LHFPL3: variants seen among roughly 807,000 people sequenced by gnomAD.
The protein encoded by LHFPL3 is LHFPL tetraspan subfamily member 3.
A neutral mutation model predicts 19.3 loss-of-function variants in LHFPL3; 5 were observed. The observed-to-expected ratio is 0.26, with a 90% CI of 0.14 to 0.54. The LOEUF is 0.54. LHFPL3 is among the 20% of genes least tolerant of loss of function. LHFPL3 has a pLI of 0.94. For synonymous variants in LHFPL3, 133 were observed against 126.2 expected (o/e 1.05, Z -0.36); for missense variants, 249 against 307.4 (o/e 0.81, Z 1.42).
intron 1 of LHFPL3, among the ~76,000 whole-genome samples, chr7:104,694,419 T>A (rs1217878790): frequency 6.6e-6 from 1 of 152,236 alleles, no homozygotes; most frequent in Admixed American, 6.5e-5. Flanking sequence ...AGTCTTAGTC[T>A]GCAGATACCC....
chr7:104,550,423 C>T (rs147858378), intron 1 of LHFPL3, among the ~76,000 whole-genome samples: 2 of 152,104 alleles, frequency 1.3e-5, no homozygotes, highest in Non-Finnish European at 2.9e-5. Context: ...AGTTCCAGGG[C>T]AAGGAGGAGA....
At position 104,561,455 on chromosome 7, in the gene LHFPL3, T is replaced by A. The variant is rs534579545; in HGVS notation, c.446-175220T>A. 9.6e-3 allele frequency among the ~76,000 whole-genome samples: 1,443 copies of A among 150,254 alleles called. 22 individuals carry two copies. The highest frequency in any genetic ancestry group is 0.034 in the African/African-American group (1,370 of 40,128). On this transcript the variant is annotated intron_variant, in intron 1 of 2. Coordinates refer to ENST00000424859, the MANE Select transcript of LHFPL3 (RefSeq NM_199000.3). ...TATGTAATGGCCTTCTTTGTCTCTT[T>A]TGATCTTTGTTGGTTTAAAGTCTGT...
chr7:104,848,655 AG>A (rs5886335), intron 2 of LHFPL3, among the ~76,000 whole-genome samples: 93,443 of 151,880 alleles, frequency 0.62, 31,476 homozygotes, highest in Non-Finnish European at 0.78. Context: ...GAAAAGGAGA[AG>A]GGGAAAGGAG....
chr7:104,685,131 G>A (rs1043949564), intron 1 of LHFPL3, among the ~76,000 whole-genome samples: 9 of 152,080 alleles, frequency 5.9e-5, no homozygotes, highest in African/African-American at 1.7e-4. Context: ...GGTGAATCAC[G>A]AGGTCAAGAG....
At chr7:104,760,338 G>T (rs1427670929) in intron 2 of LHFPL3, among the ~76,000 whole-genome samples, 2 of 152,156 alleles carry the variant, frequency 1.3e-5, no homozygotes, top group African/African-American at 4.8e-5. Context: ...CAAGTAGTAT[G>T]GACTGGGATA....
chr7:104,387,913 A>G (rs1196212764), intron 1 of LHFPL3, among the ~76,000 whole-genome samples: 1 of 152,114 alleles, frequency 6.6e-6, no homozygotes, highest in Admixed American at 6.6e-5. Context: ...AGTACCTGAT[A>G]AGTAGTTTTT....
intron 1 of LHFPL3, among the ~76,000 whole-genome samples, chr7:104,663,883 T>G (rs563471867): frequency 6.6e-6 from 1 of 152,304 alleles, no homozygotes; most frequent in Non-Finnish European, 1.5e-5. Flanking sequence ...CCATGTTTGT[T>G]TACCTTAACC....
At chr7:104,408,317 T>C (rs1302423436) in intron 1 of LHFPL3, among the ~76,000 whole-genome samples, 1 of 151,850 alleles carries the variant, frequency 6.6e-6, no homozygotes, top group African/African-American at 2.4e-5. Flanking sequence ...TTTTAACCAA[T>C]AGCAAGGGTT....
chr7:104,403,774 G>T (rs1791363694), intron 1 of LHFPL3, among the ~76,000 whole-genome samples: 1 of 146,730 alleles, frequency 6.8e-6, no homozygotes, highest in Admixed American at 6.7e-5. Flanking sequence ...TTAGGAAATG[G>T]CCTCTAATGG....
chr7:104,831,819 C>A (rs1367485666), intron 2 of LHFPL3, among the ~76,000 whole-genome samples: 1 of 151,970 alleles, frequency 6.6e-6, no homozygotes, highest in African/African-American at 2.4e-5. Context: ...CCCCACCAAA[C>A]CTGCACTACT....
chr7:104,709,365 C>T lies in LHFPL3; in HGVS notation c.446-27310C>T, dbSNP rs1793253131. 2.6e-5 allele frequency among the ~76,000 whole-genome samples: 3 copies of T among 113,696 alleles called. 1 individual carries two copies. The highest frequency in any genetic ancestry group is 9.9e-5 in the Admixed American group (1 of 10,064). 74.6% of individuals were successfully genotyped at this position (113,696 alleles called of 152,430 possible). On this transcript the variant is annotated intron_variant, in intron 1 of 2. Coordinates refer to ENST00000424859, the MANE Select transcript of LHFPL3 (RefSeq NM_199000.3). ...AACAAAGGTCTCTGGTTTTCCTAGA[C>T]AGAGGACCCTGAGGCCTTCCACAGT...
At chr7:104,632,303 A>C (rs1318925859) in intron 1 of LHFPL3, among the ~76,000 whole-genome samples, 1 of 152,184 alleles carries the variant, frequency 6.6e-6, no homozygotes, top group Non-Finnish European at 1.5e-5. Context: ...ATTAAATTCC[A>C]ACACATAATT....
chr7:104,726,334 A>T (rs1236444317), intron 1 of LHFPL3, among the ~76,000 whole-genome samples: 7 of 148,940 alleles, frequency 4.7e-5, no homozygotes, highest in South Asian at 4.2e-4. Context: ...ACCAAAGACT[A>T]TTTTTTTTTT....
At chr7:104,600,135 A>T (rs991350110) in intron 1 of LHFPL3, among the ~76,000 whole-genome samples, 1 of 152,176 alleles carries the variant, frequency 6.6e-6, no homozygotes. Flanking sequence ...TGGAACTATA[A>T]CCTGGGGTAC....
chr7:104,529,629 T>C (rs1334958625), intron 1 of LHFPL3, among the ~76,000 whole-genome samples: 1 of 152,198 alleles, frequency 6.6e-6, no homozygotes, highest in African/African-American at 2.4e-5. Flanking sequence ...GTTAAAGTAG[T>C]CATCCCTCTT....
chr7:104,607,549 C>A (rs917415024), intron 1 of LHFPL3, among the ~76,000 whole-genome samples: 1 of 152,148 alleles, frequency 6.6e-6, no homozygotes, highest in Non-Finnish European at 1.5e-5. Flanking sequence ...TCCAGGAAGA[C>A]CGAAGATCCA....
chr7:104,522,988 G>A (rs1187493229), intron 1 of LHFPL3, among the ~76,000 whole-genome samples: 1 of 151,504 alleles, frequency 6.6e-6, no homozygotes, highest in African/African-American at 2.4e-5. Flanking sequence ...GTGTGTGTGT[G>A]TGTATGCACA....
intron 1 of LHFPL3, among the ~76,000 whole-genome samples, chr7:104,683,083 G>A (rs1001995420): frequency 3.3e-5 from 5 of 152,102 alleles, no homozygotes; most frequent in South Asian, 2.1e-4. Context: ...TCCACCTCCC[G>A]GGTTCAAGCA....
chr7:104,791,397 C>T (rs775923996), intron 2 of LHFPL3, among the ~76,000 whole-genome samples: 4 of 152,192 alleles, frequency 2.6e-5, no homozygotes. Flanking sequence ...GGCAGCCTTA[C>T]ATTCTTGGGC....
Sources: gnomAD v4.1 joint callset for allele counts (sites outside exome capture counted in the v4.1 genomes callset) on GRCh38, gnomAD v4.1.1 for gene constraint, MANE v1.5 for transcripts, NCBI Gene and HGNC (gene_info 2026-07-23, HGNC 2026-07-21) for gene names.